The following GDA variants were observed in gnomAD, a reference collection of about 807,000 sequenced individuals.
GDA encodes cytoplasmic PSD-95 interactor.
In GDA, 18 loss-of-function variants were observed where a neutral mutation model predicts 59.6. The ratio of observed to expected loss-of-function variants is 0.30; its 90% CI spans 0.21 to 0.45. The LOEUF (loss-of-function observed/expected upper bound fraction) is 0.45. Ranked by LOEUF, GDA falls within the 20% of genes least tolerant of loss-of-function variation. GDA has a pLI of 1.00. For synonymous variants in GDA, 201 were observed against 201.1 expected (o/e 1.00, Z 0.00); for missense variants, 427 against 552.3 (o/e 0.77, Z 2.27).
chr9:72,252,662 T>A (rs1840778893), downstream of GDA, among the ~76,000 whole-genome samples: 1 of 152,224 alleles, frequency 6.6e-6, no homozygotes, highest in South Asian at 2.1e-4. Flanking sequence ...ATTCTCTACT[T>A]TTTTATGGTG....
intron 5 of GDA, among the ~76,000 whole-genome samples, chr9:72,215,681 C>T (rs149451898): frequency 1.6e-4 from 24 of 152,284 alleles, no homozygotes; most frequent in Non-Finnish European, 3.1e-4. Flanking sequence ...TGTGGTGACA[C>T]AGGCTAGAGA....
At position 72,231,123 on chromosome 9, in the gene GDA, T is replaced by C. The variant is rs1479858882; in HGVS notation, c.930T>C (p.Ser310=). Residue 310 remains serine, a synonymous_variant, in exon 10 of 14, where the codon AGT becomes AGC. Coordinates refer to ENST00000358399, the MANE Select transcript of GDA (RefSeq NM_004293.5). ...HCPNSNLSLS[S]GFLNVLEVLK... ...TCTCCTCTCTCTACAGGCTCAGCAG[T>C]GGATTTCTAAATGTGCTAGAAGTCC... 3 of 1,582,834 alleles carry C rather than the reference T, an allele frequency of 1.9e-6. No homozygotes were observed. The highest frequency in any genetic ancestry group is 8.7e-7 in the Non-Finnish European group (1 of 1,151,494).
At chr9:72,252,562 TA>T (rs1293555878), downstream of GDA, among the ~76,000 whole-genome samples, 1 of 152,236 alleles carries the variant, frequency 6.6e-6, no homozygotes, top group Non-Finnish European at 1.5e-5. Flanking sequence ...CATGTGTATT[TA>T]AAACAAAAGT....
chr9:72,175,081 C>T (rs1181923332), intron 1 of GDA, among the ~76,000 whole-genome samples: 1 of 151,866 alleles, frequency 6.6e-6, no homozygotes, highest in Non-Finnish European at 1.5e-5. Flanking sequence ...CAGGTAGGTG[C>T]CAAATCACCC....
At chr9:72,205,391 C>T (rs1834568791) in intron 3 of GDA, among the ~76,000 whole-genome samples, 1 of 152,110 alleles carries the variant, frequency 6.6e-6, no homozygotes, top group African/African-American at 2.4e-5. Flanking sequence ...GTAATTAGGG[C>T]ACTTCCTGAA....
intron 5 of GDA, among the ~76,000 whole-genome samples, chr9:72,217,465 T>C (rs1250736406): frequency 6.6e-6 from 1 of 152,210 alleles, no homozygotes; most frequent in African/African-American, 2.4e-5. Context: ...TGCGTCGAAT[T>C]AAAGTTGAAA....
intron 1 of GDA, among the ~76,000 whole-genome samples, chr9:72,162,743 C>T (rs1018324815): frequency 2.9e-4 from 44 of 152,042 alleles, no homozygotes; most frequent in African/African-American, 1.0e-3. Flanking sequence ...CTGCAAGCTC[C>T]GCCTCCCGGG....
At chr9:72,149,315 AC>A, upstream of GDA, 1 of 529,750 alleles carries the variant, frequency 1.9e-6, no homozygotes, top group East Asian at 3.6e-5. Context: ...GGAGAGAAAG[AC>A]CACACCCCAC....
Position 72,227,941 on chromosome 9 carries a change from A to G in GDA, c.823-2A>G, listed in dbSNP as rs1411992318. On this transcript the variant is annotated splice_acceptor_variant, in intron 8 of 13. Transcript: ENST00000358399. LOFTEE classifies it high-confidence loss of function. Reference sequence around the variant, plus strand: ...CTCCACGTAGGGCACTCTTCTCTCCAGACAGTGATGGCACACGGCTGCTAC... The same window carrying G: ...CTCCACGTAGGGCACTCTTCTCTCCGGACAGTGATGGCACACGGCTGCTAC... The G allele has an allele frequency of 6.4e-7, 1 of 1,569,282 alleles. No individual in the cohort carries two copies. The highest frequency in any genetic ancestry group is 8.8e-7 in the Non-Finnish European group (1 of 1,140,460).
At chr9:72,217,946 T>C (rs1836350306) in intron 5 of GDA, among the ~76,000 whole-genome samples, 1 of 152,064 alleles carries the variant, frequency 6.6e-6, no homozygotes, top group Non-Finnish European at 1.5e-5. Flanking sequence ...TGGAGTCTTC[T>C]TCTGTAGCCC....
At chr9:72,173,675 A>T (rs571126548) in intron 1 of GDA, among the ~76,000 whole-genome samples, 1 of 152,150 alleles carries the variant, frequency 6.6e-6, no homozygotes, top group Non-Finnish European at 1.5e-5. Flanking sequence ...TTTAGGGTCC[A>T]CCCTGCTAAT....
At position 72,250,777 on chromosome 9, in the gene GDA, C is replaced by T. The variant is rs1428611760; in HGVS notation, c.*2435C>T. 1.2e-6 allele frequency: 2 copies of T among 1,609,872 alleles called. No individual in the cohort carries two copies. Among genetic ancestry groups the T allele is most frequent in the African/African-American group, 2.7e-5 (2 of 74,842 alleles). ...AAGAAACAATTCACTTACCAGCCTC[C>T]TCACCCCATCCTCCACCATTTCCTT... is the stretch of plus-strand genomic sequence containing the variant. On this transcript the variant is annotated 3_prime_UTR_variant, in exon 14 of 14. Transcript: ENST00000358399.
intron 1 of GDA, among the ~76,000 whole-genome samples, chr9:72,159,605 T>G (rs1828357825): frequency 6.6e-6 from 1 of 152,098 alleles, no homozygotes. Context: ...ATTTTAAAAT[T>G]CCAAGATTCT....
At chr9:72,131,846 T>C (rs1411563436) in intron 1 of GDA, among the ~76,000 whole-genome samples, 1 of 152,180 alleles carries the variant, frequency 6.6e-6, no homozygotes, top group Non-Finnish European at 1.5e-5. Context: ...ATTAGTCTGT[T>C]TTCATGCTGC....
chr9:72,211,708 A>G lies in GDA; in HGVS notation c.472+934A>G, dbSNP rs180924635. 2.4e-3 allele frequency among the ~76,000 whole-genome samples: 364 copies of G among 152,330 alleles called. 3 individuals carry two copies. Among genetic ancestry groups the G allele is most frequent in the African/African-American group, 8.3e-3 (347 of 41,570 alleles). On this transcript the variant is annotated intron_variant, in intron 4 of 13. Coordinates refer to ENST00000358399, the MANE Select transcript of GDA (RefSeq NM_004293.5). Reference sequence around the variant, plus strand: ...TAAAGACAAGATGAGGAGAGGACAAACTGTCTTCTAGATAGGGGAAGGACA... The same window carrying G: ...TAAAGACAAGATGAGGAGAGGACAAGCTGTCTTCTAGATAGGGGAAGGACA...
intron 1 of GDA, among the ~76,000 whole-genome samples, chr9:72,124,674 A>G (rs1825784266): frequency 1.3e-5 from 2 of 152,064 alleles, no homozygotes; most frequent in Admixed American, 1.3e-4. Flanking sequence ...TCCTTGAAGG[A>G]GTTTTCTTTT....
At chr9:72,244,985 T>C (rs551189680) in intron 11 of GDA, among the ~76,000 whole-genome samples, 163 bp from the exon 12 acceptor site, 2 of 152,334 alleles carry the variant, frequency 1.3e-5, no homozygotes, top group African/African-American at 4.8e-5. Flanking sequence ...AGTAGAAGTC[T>C]TGTGACCTGT....
chr9:72,166,441 G>A (rs980456588), intron 1 of GDA, among the ~76,000 whole-genome samples: 1 of 151,742 alleles, frequency 6.6e-6, no homozygotes, highest in South Asian at 2.1e-4. Context: ...GGGGAATGAA[G>A]AGAGGTTAGT....
intron 5 of GDA, among the ~76,000 whole-genome samples, chr9:72,215,568 A>G (rs1436878521): frequency 6.6e-6 from 1 of 152,168 alleles, no homozygotes; most frequent in African/African-American, 2.4e-5. Context: ...GCAGGCATAC[A>G]GGAGGGAAGA....
Sources: allele counts gnomAD v4.1 joint callset (sites outside exome capture counted in the v4.1 genomes callset), GRCh38; gene constraint gnomAD v4.1.1; transcripts MANE v1.5; gene names NCBI Gene and HGNC (gene_info 2026-07-23, HGNC 2026-07-21).